Variants in RGPD4 observed in about 807,000 individuals in gnomAD.
The protein encoded by RGPD4 is ranBP2-like and GRIP domain-containing protein 4.
In RGPD4, 84 loss-of-function variants were observed where a neutral mutation model predicts 141.1. The observed-to-expected ratio is 0.60, with a 90% confidence interval of 0.50 to 0.71. RGPD4 has a LOEUF of 0.71. RGPD4 is among the 30% of genes least tolerant of loss of function. The pLI is 0.00. For missense variants in RGPD4, 918 were observed against 1,622.4 expected (o/e 0.57, Z 7.46); for synonymous variants, 298 against 566.8 (o/e 0.53, Z 6.74).
rs1399771784 is a variant in RGPD4 at position 107,827,713 on chromosome 2, G to A, written c.72+628G>A. On this transcript the variant is annotated intron_variant, in intron 1 of 22. Coordinates refer to ENST00000408999, the MANE Select transcript of RGPD4 (RefSeq NM_182588.3). The stretch of plus-strand genomic sequence containing the variant: ...GCTGGGCGGCGGCGGCCTGGACCTG[G>A]CCCGGCGGCGGCCTCGATGGCTCAG... 2.1e-4 allele frequency among the ~76,000 whole-genome samples: 13 copies of A among 61,430 alleles called. No homozygotes were observed. The East Asian group carries it at 3.7e-3, about 17-fold the overall frequency. 40.3% of individuals were successfully genotyped at this position (61,430 alleles called of 152,430 possible). A position where few individuals can be genotyped will look rare whatever the true frequency, so the allele number is the denominator to read the frequency against.
chr2:107,867,031 CTT>C (rs1192288841), intron 18 of RGPD4, among the ~76,000 whole-genome samples: 1 of 145,548 alleles, frequency 6.9e-6, no homozygotes, highest in Non-Finnish European at 1.5e-5. Flanking sequence ...ATTACAGTAA[CTT>C]AGAATGGCCG....
rs943747474 is a variant in RGPD4, at chr2:107,861,812, A to AT, written c.2205+76dup. ...GTCAGTGTTTTTGCGTTGGTCTTAT[A>AT]TTTTGGTAATTTCAAAAATACTCAG... On this transcript the variant is annotated intron_variant, in intron 15 of 22. Transcript: ENST00000408999. 8 of 1,592,154 alleles carry AT rather than the reference A, an allele frequency of 5.0e-6. No homozygotes were observed. In the African/African-American group the frequency reaches 1.1e-4, roughly 22 times the overall value.
In RGPD4 at chr2:107,872,870, T is replaced by C. The variant is rs200640936; in HGVS notation, c.4866T>C (p.Ser1622=). The C allele has an allele frequency of 2.6e-5, 42 of 1,595,302 alleles. No homozygotes were observed. The South Asian group carries it at 4.1e-4, about 16-fold the overall frequency. ...QSSDSKVKNL[S]ASFPMEESSI... ...CAGATAGCAAAGTCAAAAATCTCTCTGCTTCCTTTCCAATGGAAGAATCTT... is the reference window on the plus strand; with the variant it reads ...CAGATAGCAAAGTCAAAAATCTCTCCGCTTCCTTTCCAATGGAAGAATCTT... The change falls in exon 20 of 23, where the codon TCT becomes TCC. Residue 1622 remains serine (S), a synonymous_variant. Transcript: ENST00000408999.
chr2:107,875,468 A>G (rs1683062180), intron 20 of RGPD4, among the ~76,000 whole-genome samples: 1 of 137,196 alleles, frequency 7.3e-6, no homozygotes, highest in African/African-American at 2.9e-5. Flanking sequence ...ATTGGACACC[A>G]TAGCTCTCAG....
intron 22 of RGPD4, 146 bp from the exon 23 acceptor site, chr2:107,890,575 A>AT: frequency 1.9e-5 from 1 of 53,382 alleles, no homozygotes; most frequent in Non-Finnish European, 3.8e-5. Context: ...AAAAAAAAAG[A>AT]ACCCCCCCCC....
At chr2:107,854,114 G>T (rs565612054) in intron 7 of RGPD4, among the ~76,000 whole-genome samples, 89 of 136,518 alleles carry the variant, frequency 6.5e-4, no homozygotes, top group African/African-American at 2.6e-3. Flanking sequence ...GAGTGCAATG[G>T]CACAGTCTCG....
intron 1 of RGPD4, among the ~76,000 whole-genome samples, chr2:107,833,564 C>T (rs1681569485): frequency 6.7e-6 from 1 of 150,344 alleles, no homozygotes; most frequent in South Asian, 2.1e-4. Flanking sequence ...GCTTGAGCTT[C>T]AGTTCCCTTG....
rs1428105040 is a variant in RGPD4 at position 107,892,459 on chromosome 2, ACAAAAGGCATATTCTTT to A, written c.*1731_*1747del. On this transcript the variant is annotated 3_prime_UTR_variant, in exon 23 of 23. Transcript: ENST00000408999. ...TTTTTTGCATGATAAAAAATTGATT[ACAAAAGGCATATTCTTT>A]CATGGTTTCTGCAATGAGAGGAAGT... 2.7e-5 allele frequency among the ~76,000 whole-genome samples: 3 copies of A among 109,846 alleles called. No homozygotes were observed. The highest frequency in any genetic ancestry group is 5.5e-5 in the Non-Finnish European group (3 of 54,326). The allele number at this position is 109,846 out of a possible 152,430, so 72.1% of individuals were successfully genotyped here.
At chr2:107,869,786 T>G (rs1419248016) in intron 18 of RGPD4, 97 bp from the exon 19 acceptor site, 1 of 1,435,102 alleles carries the variant, frequency 7.0e-7, no homozygotes, top group South Asian at 1.3e-5. Flanking sequence ...CTTTCTTTAA[T>G]TTCTATTGCT....
intron 1 of RGPD4, among the ~76,000 whole-genome samples, chr2:107,828,108 G>A (rs1357651589): frequency 1.1e-4 from 2 of 17,606 alleles, no homozygotes; most frequent in Non-Finnish European, 1.1e-4. Flanking sequence ...GCCGGGCGGC[G>A]GCGGCCTCGA....
At chr2:107,830,627 A>T (rs1455443067) in intron 1 of RGPD4, among the ~76,000 whole-genome samples, 1 of 152,088 alleles carries the variant, frequency 6.6e-6, no homozygotes, top group Non-Finnish European at 1.5e-5. Context: ...TAACTGGAAC[A>T]TGTGAAGCTA....
At chr2:107,867,390 T>G (rs1682764773) in intron 18 of RGPD4, among the ~76,000 whole-genome samples, 3 of 151,736 alleles carry the variant, frequency 2.0e-5, no homozygotes, top group Admixed American at 1.3e-4. Context: ...TGATAGTATC[T>G]TCTCAACACA....
Position 107,880,215 on chromosome 2 carries a change from C to T in RGPD4, c.5064+108C>T, listed in dbSNP as rs1389822548. On this transcript the variant is annotated intron_variant, in intron 21 of 22. Transcript: ENST00000408999. ...ATTCACATTGCAGATGCATCTATAACGTCTTGATCTTTATATTAGATTCCT... is the reference window on the plus strand; with the variant it reads ...ATTCACATTGCAGATGCATCTATAATGTCTTGATCTTTATATTAGATTCCT... 8.2e-5 allele frequency: 111 copies of T among 1,359,778 alleles called. No homozygotes were observed. In the East Asian group the frequency reaches 1.8e-3, roughly 22 times the overall value. The allele number at this position is 1,359,778 out of a possible 1,614,324, so 84.2% of individuals were successfully genotyped here.
At position 107,882,801 on chromosome 2, in the gene RGPD4, C is replaced by T. The variant is rs1242564545; in HGVS notation, c.5194C>T (p.Leu1732Phe). Residue 1732 changes from leucine to phenylalanine, a missense_variant, in exon 22 of 23, where the codon CTT (leucine) becomes TTT (phenylalanine). Leu to Phe is a conservative substitution (Grantham distance 22, BLOSUM62 0). Coordinates refer to ENST00000408999, the MANE Select transcript of RGPD4 (RefSeq NM_182588.3). ...FLKPGSERER[L>F]LPVINTMLQL... ...GAAGCCAGGTAGTGAAAGAGAGAGACTTCTTCCTGTTATAAATACGATGTT... is the reference window on the plus strand; with the variant it reads ...GAAGCCAGGTAGTGAAAGAGAGAGATTTCTTCCTGTTATAAATACGATGTT... 5 of 1,611,196 alleles carry T rather than the reference C, an allele frequency of 3.1e-6. No homozygotes were observed. Among genetic ancestry groups the T allele is most frequent in the African/African-American group, 1.3e-5 (1 of 74,374 alleles).
At chr2:107,831,232 C>T (rs1403832574) in intron 1 of RGPD4, among the ~76,000 whole-genome samples, 1 of 148,744 alleles carries the variant, frequency 6.7e-6, no homozygotes, top group African/African-American at 2.4e-5. Context: ...TTTCTTTTTC[C>T]AGATGGCTTC....
chr2:107,880,472 C>T (rs1301049936), intron 21 of RGPD4, among the ~76,000 whole-genome samples: 1 of 151,440 alleles, frequency 6.6e-6, no homozygotes, highest in Admixed American at 6.6e-5. Flanking sequence ...ACCATGTTAT[C>T]CAGGATGGTC....
chr2:107,845,284 C>T (rs929605168), intron 6 of RGPD4, among the ~76,000 whole-genome samples: 3 of 109,608 alleles, frequency 2.7e-5, no homozygotes, highest in Non-Finnish European at 5.1e-5. Flanking sequence ...TGTCACCCAG[C>T]CTGGAGTACA....
intron 1 of RGPD4, among the ~76,000 whole-genome samples, chr2:107,831,578 T>TTTA (rs1681490061): frequency 7.3e-6 from 1 of 137,474 alleles, no homozygotes; most frequent in Non-Finnish European, 1.6e-5. Flanking sequence ...TTTTCTTTTT[T>TTTA]TTTTTTTTTT....
chr2:107,829,282 G>T lies in RGPD4; in HGVS notation c.72+2197G>T, dbSNP rs1486766459. Among the ~76,000 whole-genome samples the T allele has an allele frequency of 1.9e-3, 73 of 37,468 alleles. 17 individuals are homozygous for T. The highest frequency in any genetic ancestry group is 7.3e-3 in the African/African-American group (68 of 9,330). 24.6% of individuals were successfully genotyped at this position (37,468 alleles called of 152,430 possible). A position where few individuals can be genotyped will look rare whatever the true frequency, so the allele number is the denominator to read the frequency against. On this transcript the variant is annotated intron_variant, in intron 1 of 22. Coordinates refer to ENST00000408999, the MANE Select transcript of RGPD4 (RefSeq NM_182588.3). ...TGAGGCGGCGGCCTTGACCCGGCCC[G>T]GCGGCGGCCTGGATGGCTCAGGCGT... is the stretch of plus-strand genomic sequence containing the variant.
Sources: allele counts gnomAD v4.1 joint callset (sites outside exome capture counted in the v4.1 genomes callset), GRCh38; gene constraint gnomAD v4.1.1; transcripts MANE v1.5; gene names NCBI Gene and HGNC (gene_info 2026-07-23, HGNC 2026-07-21).